Variants in ABCC11 observed in about 807,000 individuals in gnomAD.
The protein encoded by ABCC11 is ATP binding cassette subfamily C member 11.
In ABCC11, 135 loss-of-function variants were observed where a neutral mutation model predicts 149.3. The observed-to-expected ratio is 0.90, with a 90% CI of 0.79 to 1.04. ABCC11 has a LOEUF of 1.04. ABCC11 is among the 50% of genes least tolerant of loss of function. The pLI is 0.00. For synonymous variants in ABCC11, 665 were observed against 671.4 expected, an observed-to-expected ratio of 0.99 and a Z score of 0.15; for missense variants, 1,680 against 1,722.1, an observed-to-expected ratio of 0.98 and a Z score of 0.43.
intron 25 of ABCC11, among the ~76,000 whole-genome samples, chr16:48,175,637 C>A (rs1385317049): frequency 6.6e-6 from 1 of 152,182 alleles, no homozygotes. Flanking sequence ...ACACGTGGGG[C>A]CCCTGGATCA....
chr16:48,237,342 G>A (rs1242610316), intron 1 of ABCC11, among the ~76,000 whole-genome samples: 1 of 152,160 alleles, frequency 6.6e-6, no homozygotes, highest in Non-Finnish European at 1.5e-5. Context: ...CCTCTCTCCA[G>A]GCCCTGGTGG....
intron 19 of ABCC11, 101 bp from the exon 20 acceptor site, chr16:48,192,818 G>A (rs938163896): frequency 8.0e-7 from 1 of 1,247,656 alleles, no homozygotes; most frequent in Non-Finnish European, 1.2e-6. Context: ...GTGGCTGGTA[G>A]AAGGTGAAGC....
intron 8 of ABCC11, 83 bp downstream of exon 8, chr16:48,215,114 G>GA: frequency 1.2e-5 from 19 of 1,577,266 alleles, no homozygotes; most frequent in Middle Eastern, 3.4e-4. Context: ...GCATTAAAAA[G>GA]AAAAAAAATC....
chr16:48,192,733 G>T lies in ABCC11; in HGVS notation c.2509-16C>A, dbSNP rs1314047661. ...TGCTATTGGTCTTCAAGAAAGAACA[G>T]GGGGTCTGACTGCAGGTGTCCGGGG... On this transcript the variant is annotated splice_polypyrimidine_tract_variant and intron_variant, in intron 19 of 29. Coordinates refer to ENST00000356608, the MANE Select transcript of ABCC11 (RefSeq NM_001370497.1). 7 of 1,613,612 alleles carry T rather than the reference G, an allele frequency of 4.3e-6. No individual in the cohort carries two copies. The African/African-American group carries it at 9.3e-5, about 22-fold the overall frequency.
At chr16:48,208,888 A>G (rs1029421833) in intron 11 of ABCC11, among the ~76,000 whole-genome samples, 3 of 152,226 alleles carry the variant, frequency 2.0e-5, no homozygotes, top group Non-Finnish European at 4.4e-5. Flanking sequence ...GCATGCATGC[A>G]TTCATTTATT....
rs941050573 is a variant in ABCC11, at chr16:48,175,245, G to C, written c.3698+13C>G. The C allele has an allele frequency of 3.1e-6, 5 of 1,597,474 alleles. No homozygotes were observed. Among genetic ancestry groups the C allele is most frequent in the Non-Finnish European group, 4.3e-6 (5 of 1,166,382 alleles). On this transcript the variant is annotated intron_variant, in intron 26 of 29. Coordinates refer to ENST00000356608, the MANE Select transcript of ABCC11 (RefSeq NM_001370497.1). ...CCCACCTCCTGCAGGCTGCCTGCTGGCCCGGCACTCACCTGATGGTTCCTG... is the reference window on the plus strand; with the variant it reads ...CCCACCTCCTGCAGGCTGCCTGCTGCCCCGGCACTCACCTGATGGTTCCTG...
At chr16:48,211,493 C>G (rs529434092) in intron 10 of ABCC11, among the ~76,000 whole-genome samples, 6 of 152,278 alleles carry the variant, frequency 3.9e-5, no homozygotes, top group African/African-American at 1.4e-4. Context: ...CTACATTAGC[C>G]TCATCCCAAG....
chr16:48,203,817 C>T (rs1390003885), intron 13 of ABCC11, among the ~76,000 whole-genome samples: 1 of 152,170 alleles, frequency 6.6e-6, no homozygotes, highest in Non-Finnish European at 1.5e-5. Context: ...TTGCAGTAAG[C>T]CAAGATCACG....
intron 3 of ABCC11, among the ~76,000 whole-genome samples, chr16:48,228,319 C>T (rs779392032): frequency 2.0e-5 from 3 of 151,940 alleles, no homozygotes; most frequent in South Asian, 2.1e-4. Context: ...ATTGGCTGGG[C>T]CCAGTGGCTC....
At chr16:48,224,991 C>A (rs1969977210) in intron 4 of ABCC11, among the ~76,000 whole-genome samples, 1 of 151,928 alleles carries the variant, frequency 6.6e-6, no homozygotes, top group Non-Finnish European at 1.5e-5. Flanking sequence ...CCACTGCACT[C>A]CAGCCTGGGT....
intron 6 of ABCC11, among the ~76,000 whole-genome samples, chr16:48,218,944 C>T (rs928623061): frequency 1.3e-5 from 2 of 152,108 alleles, no homozygotes; most frequent in Admixed American, 6.5e-5. Context: ...CTGGAAAGCT[C>T]AGTCACAATA....
intron 1 of ABCC11, chr16:48,232,284 AT>A (rs1970467742): frequency 5.4e-6 from 1 of 186,818 alleles, no homozygotes; most frequent in South Asian, 1.4e-4. Flanking sequence ...TTAACTGTGT[AT>A]TTGTTTGAAT....
chr16:48,167,384 G>C lies in ABCC11; in HGVS notation c.4057-18C>G, dbSNP rs918234091. ...TCTACCACCTGGAGGGTAGAGAAAG[G>C]CGAGGGGAGGATCAGGGCACAGCTG... On this transcript the variant is annotated intron_variant, in intron 29 of 29. Coordinates refer to ENST00000356608, the MANE Select transcript of ABCC11 (RefSeq NM_001370497.1). The C allele has an allele frequency of 4.1e-6, 6 of 1,473,098 alleles. No homozygotes were observed. Among genetic ancestry groups the C allele is most frequent in the Non-Finnish European group, 5.7e-6 (6 of 1,051,430 alleles). The allele number at this position is 1,473,098 out of a possible 1,614,324, so 91.3% of individuals were successfully genotyped here. A position where few individuals can be genotyped will look rare whatever the true frequency, so the allele number is the denominator to read the frequency against.
intron 20 of ABCC11, 60 bp from the exon 21 acceptor site, chr16:48,187,487 A>T: frequency 7.0e-7 from 1 of 1,418,758 alleles, no homozygotes; most frequent in Non-Finnish European, 9.7e-7. Flanking sequence ...TCAAGATTGG[A>T]TGAAGATGCC....
intron 1 of ABCC11, among the ~76,000 whole-genome samples, chr16:48,240,224 C>T (rs1055802912): frequency 3.3e-5 from 5 of 152,184 alleles, no homozygotes; most frequent in African/African-American, 9.6e-5. Context: ...TACATGCACA[C>T]GTATGTTCAC....
chr16:48,192,969 G>A (rs1967060744), intron 19 of ABCC11, among the ~76,000 whole-genome samples: 1 of 152,212 alleles, frequency 6.6e-6, no homozygotes, highest in Non-Finnish European at 1.5e-5. Context: ...CTGCTGTGAT[G>A]CAGCGAGAAG....
chr16:48,187,361 C>T lies in ABCC11; in HGVS notation c.2773G>A (p.Gly925Arg). The T allele has an allele frequency of 3.1e-6, 5 of 1,614,088 alleles. No homozygotes were observed. The highest frequency in any genetic ancestry group is 4.2e-6 in the Non-Finnish European group (5 of 1,179,958). ...PIGRLLNCFA[G>R]DLEQLDQLLP... is the part of the protein sequence containing the mutation. ...AGCTGGTCCAGCTGTTCCAAGTCCC[C>T]TGCGAAGCAGTTCAAAAGCCGGCCT... Residue 925 changes from glycine (G) to arginine (R), a missense_variant, in exon 21 of 30, where the codon GGG becomes AGG. Transcript: ENST00000356608.
At chr16:48,170,818 G>A (rs1965668508) in intron 27 of ABCC11, 71 bp downstream of exon 27, 1 of 1,386,412 alleles carries the variant, frequency 7.2e-7, no homozygotes, top group Non-Finnish European at 1.0e-6. Context: ...CACATGAGAG[G>A]AGCCCCAAAG....
intron 1 of ABCC11, among the ~76,000 whole-genome samples, chr16:48,237,820 T>A (rs997751460): frequency 1.3e-5 from 2 of 152,242 alleles, no homozygotes; most frequent in African/African-American, 2.4e-5. Flanking sequence ...TGCTGCTTTT[T>A]CTGCCTACAA....
Sources: gnomAD v4.1 joint callset for allele counts (sites outside exome capture counted in the v4.1 genomes callset) on GRCh38, gnomAD v4.1.1 for gene constraint, MANE v1.5 for transcripts, NCBI Gene and HGNC (gene_info 2026-07-23, HGNC 2026-07-21) for gene names.